The following RTBDN variants were observed in gnomAD, a reference collection of about 807,000 sequenced individuals.
RTBDN encodes retbindin.
In RTBDN, 24 loss-of-function variants were observed where a neutral mutation model predicts 21.9. That is an observed-to-expected ratio of 1.10 (90% confidence interval 0.79 to 1.54). RTBDN has a LOEUF of 1.54. RTBDN is among the 40% of genes most tolerant of loss of function. The probability of loss-of-function intolerance (pLI) is 0.00; values close to 1 mark genes in which losing one functional copy is unlikely to be tolerated. For synonymous variants in RTBDN, 141 were observed against 125.9 expected (o/e 1.12, Z -0.80); for missense variants, 325 against 315.2 (o/e 1.03, Z -0.23).
At position 12,828,645 on chromosome 19, in the gene RTBDN, C is replaced by T. The variant is rs774000081; in HGVS notation, c.365+12G>A. ...AGTCACAACCCACGCCCCTTGCCCC[C>T]GCGTCTCCTACCAGGCCTGGCAGAG... On this transcript the variant is annotated intron_variant, in intron 4 of 5. Coordinates refer to ENST00000674343, the MANE Select transcript of RTBDN (RefSeq NM_001270441.2). The T allele has an allele frequency of 1.2e-6, 2 of 1,601,584 alleles. No individual in the cohort carries two copies. The highest frequency in any genetic ancestry group is 1.7e-6 in the Non-Finnish European group (2 of 1,171,930).
At position 12,825,880 on chromosome 19, in the gene RTBDN, C is replaced by G; in HGVS notation, c.516G>C (p.Pro172=). 2 of 1,613,068 alleles carry G rather than the reference C, an allele frequency of 1.2e-6. No homozygotes were observed. The highest frequency in any genetic ancestry group is 1.7e-6 in the Non-Finnish European group (2 of 1,179,590). ...AGTGACGGGCTCCAGGAGCAGCCACCGGTAGGGCGTGGCCCAGAGCCGAGC... is the reference window on the plus strand; with the variant it reads ...AGTGACGGGCTCCAGGAGCAGCCACGGGTAGGGCGTGGCCCAGAGCCGAGC... The part of the protein sequence containing the change: ...LCRSALGHAL[P]VAAPGARHCF... Residue 172 remains proline, a synonymous_variant, in exon 6 of 6, where the codon CCG becomes CCC. Transcript: ENST00000674343.
intron 2 of RTBDN, among the ~76,000 whole-genome samples, chr19:12,829,537 T>G (rs1191249186): frequency 6.6e-6 from 1 of 152,192 alleles, no homozygotes; most frequent in African/African-American, 2.4e-5. Flanking sequence ...ACAACAGCTC[T>G]GCGAGGTATA....
chr19:12,830,282 C>G lies in RTBDN; in HGVS notation c.-18-285G>C. ...CCTCCCATCCAGCAGGATCTCCCAC[C>G]TTTTTAGTCTTCAAGAGACCCCTTC... On this transcript the variant is annotated intron_variant, in intron 1 of 5. Transcript: ENST00000674343. The surrounding 1 kb of genome is among the most constrained non-coding windows in gnomAD (Gnocchi z 4.2). 1 of 1,168,260 alleles carries G rather than the reference C, an allele frequency of 8.6e-7. No individual in the cohort carries two copies. The highest frequency in any genetic ancestry group is 1.1e-6 in the Non-Finnish European group (1 of 944,296). The allele number at this position is 1,168,260 out of a possible 1,614,324, so 72.4% of individuals were successfully genotyped here. A position where few individuals can be genotyped will look rare whatever the true frequency, so the allele number is the denominator to read the frequency against.
chr19:12,833,307 C>T (rs1969643115), intron 1 of RTBDN, among the ~76,000 whole-genome samples: 1 of 151,872 alleles, frequency 6.6e-6, no homozygotes, highest in Non-Finnish European at 1.5e-5. Context: ...GACAGTTTCC[C>T]ACAGAGGATA....
chr19:12,825,687 A>C lies in RTBDN; in HGVS notation c.*19T>G. On this transcript the variant is annotated 3_prime_UTR_variant, in exon 6 of 6. Coordinates refer to ENST00000674343, the MANE Select transcript of RTBDN (RefSeq NM_001270441.2). ...GGCTGGGGGAAGGGTCGCTCCCCCA[A>C]CTCAGGGCCACGCGTCCGCTAGGGG... The C allele has an allele frequency of 6.4e-7, 1 of 1,550,498 alleles. No individual in the cohort carries two copies. The highest frequency in any genetic ancestry group is 8.7e-7 in the Non-Finnish European group (1 of 1,148,380).
At position 12,826,859 on chromosome 19, in the gene RTBDN, G is replaced by A. The variant is rs148144447; in HGVS notation, c.378C>T (p.Cys126=). Residue 126 remains cysteine, a synonymous_variant, in exon 5 of 6, where the codon TGC becomes TGT. Transcript: ENST00000674343. The part of the protein sequence containing the change: ...EELCQAWFAN[C]EDDITCGPTW... ...TCGGGCCGCAGGTGATATCATCTTC[G>A]CAGTTGGCGAACCTGGAGATGGCGA... The A allele has an allele frequency of 8.1e-5, 125 of 1,551,420 alleles. No individual in the cohort carries two copies. Among genetic ancestry groups the A allele is most frequent in the Non-Finnish European group, 9.8e-5 (112 of 1,147,824 alleles).
At position 12,825,901 on chromosome 19, in the gene RTBDN, C is replaced by G; in HGVS notation, c.495G>C (p.Ser165=). ...CCACCGGTAGGGCGTGGCCCAGAGC[C>G]GAGCGACAAAGGTCCGTCCCGTCTG... is the stretch of plus-strand genomic sequence containing the variant. The part of the protein sequence containing the change: ...TFADGTDLCR[S]ALGHALPVAA... Residue 165 remains serine, a synonymous_variant, in exon 6 of 6, where the codon TCG becomes TCC. Transcript: ENST00000674343. 6.2e-7 allele frequency: 1 copy of G among 1,607,394 alleles called. No homozygotes were observed. Among genetic ancestry groups the G allele is most frequent in the Non-Finnish European group, 8.5e-7 (1 of 1,176,732 alleles).
chr19:12,826,883 G>T lies in RTBDN; in HGVS notation c.366-12C>A. The T allele has an allele frequency of 6.5e-7, 1 of 1,536,104 alleles. No homozygotes were observed. The highest frequency in any genetic ancestry group is 8.8e-7 in the Non-Finnish European group (1 of 1,134,428). ...CGCAGTTGGCGAACCTGGAGATGGCGAGTGGAGAGGTGGGTAAAGCCTTTG... is the reference window on the plus strand; with the variant it reads ...CGCAGTTGGCGAACCTGGAGATGGCTAGTGGAGAGGTGGGTAAAGCCTTTG... On this transcript the variant is annotated splice_polypyrimidine_tract_variant and intron_variant, in intron 4 of 5. Coordinates refer to ENST00000674343, the MANE Select transcript of RTBDN (RefSeq NM_001270441.2).
chr19:12,828,699 A>AC lies in RTBDN; in HGVS notation c.322dup (p.Val108GlyfsTer22). 3 of 1,614,160 alleles carry AC rather than the reference A, an allele frequency of 1.9e-6. No homozygotes were observed. The highest frequency in any genetic ancestry group is 2.5e-6 in the Non-Finnish European group (3 of 1,180,032). On this transcript the variant is annotated frameshift_variant, in exon 4 of 6. Transcript: ENST00000674343. LOFTEE classifies it high-confidence loss of function. ...CTCGCAGAGCGGCTGTGCCTGGCGT[A>AC]CCCCCAATAGCCGCAGGCGGAAGCG...
intron 5 of RTBDN, 187 bp downstream of exon 5, chr19:12,826,588 G>A: frequency 1.4e-6 from 1 of 705,092 alleles, no homozygotes; most frequent in Non-Finnish European, 2.3e-6. Context: ...CAGCTATTCG[G>A]GAGGTTGCGG....
chr19:12,825,610 T>A lies in RTBDN; in HGVS notation c.*96A>T. 6.9e-7 allele frequency: 1 copy of A among 1,456,384 alleles called. No homozygotes were observed. The highest frequency in any genetic ancestry group is 2.4e-5 in the Admixed American group (1 of 41,910). 90.2% of individuals were successfully genotyped at this position (1,456,384 alleles called of 1,614,324 possible). On this transcript the variant is annotated 3_prime_UTR_variant, in exon 6 of 6. Transcript: ENST00000674343. ...GGAGGGACAGACATCTCAAAACTAT[T>A]ACAGAAGGCCGAGAGGACGAGGGGT...
At position 12,830,089 on chromosome 19, in the gene RTBDN, A is replaced by T. The variant is rs1969509053; in HGVS notation, c.-18-92T>A. 1.4e-6 allele frequency: 2 copies of T among 1,429,562 alleles called. No homozygotes were observed. Among genetic ancestry groups the T allele is most frequent in the Non-Finnish European group, 1.9e-6 (2 of 1,054,492 alleles). 88.6% of individuals were successfully genotyped at this position (1,429,562 alleles called of 1,614,324 possible). A position where few individuals can be genotyped will look rare whatever the true frequency, so the allele number is the denominator to read the frequency against. Reference sequence around the variant, plus strand: ...ATACCCAAGAAGCAGTGCCAGGCAGAGTAGGGAAAGTGCAGCTGAGGAGGA... The same window carrying T: ...ATACCCAAGAAGCAGTGCCAGGCAGTGTAGGGAAAGTGCAGCTGAGGAGGA... On this transcript the variant is annotated intron_variant, in intron 1 of 5. Transcript: ENST00000674343. This position sits in a 1 kb window ranked among gnomAD's most constrained non-coding sequence, Gnocchi z 4.2.
In RTBDN at chr19:12,834,461, C is replaced by A; in HGVS notation, c.-19+28G>T. The A allele has an allele frequency of 6.6e-7, 1 of 1,507,464 alleles. No individual in the cohort carries two copies. Among genetic ancestry groups the A allele is most frequent in the Admixed American group, 2.0e-5 (1 of 50,956 alleles). 93.4% of individuals were successfully genotyped at this position (1,507,464 alleles called of 1,614,324 possible). ...CCACCCCAGGAGCCCCCTCCCGAGG[C>A]ATAGGACGCCCTGCGTCCCCCACGC... On this transcript the variant is annotated intron_variant, in intron 1 of 5. Transcript: ENST00000674343. This position sits in a 1 kb window ranked among gnomAD's most constrained non-coding sequence, Gnocchi z 4.7.
At position 12,826,044 on chromosome 19, in the gene RTBDN, G is replaced by C. The variant is rs553696892; in HGVS notation, c.463-111C>G. ...TCCTTAGGGATTGGGGTCAGAGCCG[G>C]AGCGTGCGGCCTGGGAGTCTATGTG... On this transcript the variant is annotated intron_variant, in intron 5 of 5. Coordinates refer to ENST00000674343, the MANE Select transcript of RTBDN (RefSeq NM_001270441.2). 1.3e-4 allele frequency: 192 copies of C among 1,431,312 alleles called. 1 individual carries two copies. The African/African-American group carries it at 2.5e-3, about 19-fold the overall frequency. 88.7% of individuals were successfully genotyped at this position (1,431,312 alleles called of 1,614,324 possible). A position where few individuals can be genotyped will look rare whatever the true frequency, so the allele number is the denominator to read the frequency against.
intron 2 of RTBDN, among the ~76,000 whole-genome samples, chr19:12,829,180 A>G (rs950486181): frequency 6.6e-6 from 1 of 151,474 alleles, no homozygotes; most frequent in Non-Finnish European, 1.5e-5. Flanking sequence ...TGACACATAT[A>G]CTTAATCCTT....
At chr19:12,832,389 A>G (rs778199576) in intron 1 of RTBDN, among the ~76,000 whole-genome samples, 1 of 152,180 alleles carries the variant, frequency 6.6e-6, no homozygotes, top group Non-Finnish European at 1.5e-5. Flanking sequence ...TGGAGGCCTC[A>G]GTAAGCAAGA....
Position 12,834,358 on chromosome 19 carries a change from G to T in RTBDN, c.-19+131C>A. The T allele has an allele frequency of 2.9e-6, 2 of 684,132 alleles. No homozygotes were observed. 42.4% of individuals were successfully genotyped at this position (684,132 alleles called of 1,614,324 possible). On this transcript the variant is annotated intron_variant, in intron 1 of 5. Transcript: ENST00000674343. This position sits in a 1 kb window ranked among gnomAD's most constrained non-coding sequence, Gnocchi z 4.7. ...TGAGGGGGCGCAGAGCAAAGTTATTGCCCTAGGGCTCATGCCCCTCGGGGC... is the reference window on the plus strand; with the variant it reads ...TGAGGGGGCGCAGAGCAAAGTTATTTCCCTAGGGCTCATGCCCCTCGGGGC...
chr19:12,831,095 G>C, intron 1 of RTBDN, among the ~76,000 whole-genome samples: 1 of 150,652 alleles, frequency 6.6e-6, no homozygotes, highest in East Asian at 2.0e-4. Context: ...TGTGTCCCAA[G>C]CAATGTGTTT....
chr19:12,827,999 G>A (rs1403230618), intron 4 of RTBDN, among the ~76,000 whole-genome samples: 5 of 151,494 alleles, frequency 3.3e-5, no homozygotes, highest in Admixed American at 1.3e-4. Flanking sequence ...ATGCTGAGGC[G>A]GGAGAATCAC....
Sources: allele counts gnomAD v4.1 joint callset (sites outside exome capture counted in the v4.1 genomes callset), GRCh38; gene constraint gnomAD v4.1.1; non-coding constraint Gnocchi (gnomAD v3.1); transcripts MANE v1.5; gene names NCBI Gene and HGNC (gene_info 2026-07-23, HGNC 2026-07-21).